USO1: variants seen among roughly 807,000 people sequenced by gnomAD.
USO1 encodes the protein USO1 vesicle transport factor.
In USO1, 57 loss-of-function variants were observed where a neutral mutation model predicts 124.5. That is an observed-to-expected ratio of 0.46 (90% CI 0.37 to 0.57). The LOEUF is 0.57. Among genes scored for constraint, USO1 ranks in the 20% least tolerant of loss-of-function variants. USO1 has a pLI of 0.00. For missense variants in USO1, 900 were observed against 1,040.6 expected (o/e 0.86, Z 1.86); for synonymous variants, 369 against 362.8 (o/e 1.02, Z -0.19).
chr4:75,748,940 G>T (rs1173053696), intron 1 of USO1, among the ~76,000 whole-genome samples: 1 of 148,876 alleles, frequency 6.7e-6, no homozygotes, highest in African/African-American at 2.4e-5. Context: ...GTTTTTCTAA[G>T]TAGTAAAAAA....
At chr4:75,761,993 T>C (rs1414209707) in intron 4 of USO1, among the ~76,000 whole-genome samples, 2 of 152,136 alleles carry the variant, frequency 1.3e-5, no homozygotes, top group Non-Finnish European at 2.9e-5. Flanking sequence ...GTTTCTATTA[T>C]TGTGATACTG....
At chr4:75,805,526 GCGAAA>G (rs1722972938) in intron 19 of USO1, among the ~76,000 whole-genome samples, 1 of 152,098 alleles carries the variant, frequency 6.6e-6, no homozygotes, top group African/African-American at 2.4e-5. Flanking sequence ...GGCCAATATG[GCGAAA>G]CCCTGTCTCT....
intron 10 of USO1, among the ~76,000 whole-genome samples, chr4:75,789,317 T>C (rs114597137): frequency 0.018 from 2,687 of 152,092 alleles, 77 homozygotes; most frequent in African/African-American, 0.061. Flanking sequence ...TTGCTCTATT[T>C]CCCAGGCTGG....
At chr4:75,757,835 TTTAG>T (rs1239676424) in intron 4 of USO1, among the ~76,000 whole-genome samples, 1 of 152,102 alleles carries the variant, frequency 6.6e-6, no homozygotes, top group Non-Finnish European at 1.5e-5. Context: ...TGTGTTTGGT[TTTAG>T]TTAGGCAGTA....
intron 1 of USO1, among the ~76,000 whole-genome samples, chr4:75,743,467 A>G (rs1021175757): frequency 1.3e-4 from 20 of 151,996 alleles, no homozygotes; most frequent in African/African-American, 4.6e-4. Flanking sequence ...TGTCCAAAGT[A>G]GCACCTTCAC....
chr4:75,780,103 T>C (rs1722176526), intron 8 of USO1, among the ~76,000 whole-genome samples: 1 of 152,186 alleles, frequency 6.6e-6, no homozygotes, highest in Non-Finnish European at 1.5e-5. Flanking sequence ...TAGCATGATT[T>C]ACTGAGCACA....
chr4:75,761,506 G>A (rs1721606518), intron 4 of USO1, among the ~76,000 whole-genome samples: 1 of 152,174 alleles, frequency 6.6e-6, no homozygotes, highest in Non-Finnish European at 1.5e-5. Flanking sequence ...GTAAGAACTG[G>A]AAGGTATTCT....
intron 1 of USO1, among the ~76,000 whole-genome samples, chr4:75,733,761 A>G (rs145733279): frequency 6.6e-6 from 1 of 152,158 alleles, no homozygotes; most frequent in Non-Finnish European, 1.5e-5. Flanking sequence ...CTCCCAGGTT[A>G]TAAGTTGTTT....
intron 8 of USO1, among the ~76,000 whole-genome samples, chr4:75,780,905 C>CT (rs2149174463): frequency 6.6e-6 from 1 of 152,120 alleles, no homozygotes; most frequent in East Asian, 1.9e-4. Flanking sequence ...CCTCAGCCTC[C>CT]CAAAGTGCTG....
At chr4:75,789,312 C>G (rs939323853) in intron 10 of USO1, among the ~76,000 whole-genome samples, 6 of 151,986 alleles carry the variant, frequency 3.9e-5, no homozygotes, top group African/African-American at 1.2e-4. Context: ...CAGTCTTGCT[C>G]TATTTCCCAG....
chr4:75,807,545 AC>A (rs950133750), intron 20 of USO1, among the ~76,000 whole-genome samples: 4 of 152,170 alleles, frequency 2.6e-5, no homozygotes, highest in African/African-American at 9.7e-5. Context: ...ATGTCCATGT[AC>A]CTCAGAGTAG....
intron 1 of USO1, among the ~76,000 whole-genome samples, chr4:75,728,934 G>T (rs1187247016): frequency 1.3e-5 from 2 of 152,002 alleles, no homozygotes; most frequent in Non-Finnish European, 2.9e-5. Context: ...AAGTAGCTGG[G>T]ACTACAGGTG....
chr4:75,749,638 C>T (rs1030572110), intron 1 of USO1, among the ~76,000 whole-genome samples: 6 of 149,908 alleles, frequency 4.0e-5, no homozygotes, highest in Admixed American at 2.7e-4. Context: ...GCCTAAAGTA[C>T]ATTCTTTAGT....
rs1721480329 is a variant in USO1, at chr4:75,757,486, C to G, written c.219-11C>G. ...CAGCAGTGTATAAGTGTAATAATTT[C>G]TTTTTTCCAGTTCAGATTCTGAAAT... On this transcript the variant is annotated splice_polypyrimidine_tract_variant and intron_variant, in intron 3 of 23. Transcript: ENST00000514213. 1 of 1,488,828 alleles carries G rather than the reference C, an allele frequency of 6.7e-7. No homozygotes were observed. The highest frequency in any genetic ancestry group is 1.3e-5 in the South Asian group (1 of 75,942). The allele number at this position is 1,488,828 out of a possible 1,614,324, so 92.2% of individuals were successfully genotyped here.
chr4:75,736,313 T>TC (rs1720789957), intron 1 of USO1, among the ~76,000 whole-genome samples: 2 of 136,122 alleles, frequency 1.5e-5, no homozygotes, highest in African/African-American at 2.8e-5. Flanking sequence ...TTACCTTTTT[T>TC]TTTTTTTTTT....
intron 4 of USO1, chr4:75,767,515 C>T (rs770887165): frequency 1.7e-5 from 7 of 408,534 alleles, no homozygotes; most frequent in African/African-American, 4.3e-5. Context: ...GAGGCCAAGG[C>T]AGGCGGATCA....
chr4:75,784,817 T>G (rs1304168959), intron 9 of USO1, among the ~76,000 whole-genome samples: 1 of 151,786 alleles, frequency 6.6e-6, no homozygotes, highest in East Asian at 1.9e-4. Flanking sequence ...TACCAAAAAA[T>G]TATTAGAGTA....
chr4:75,782,708 G>T lies in USO1; in HGVS notation c.705G>T (p.Leu235Phe). 1 of 1,570,050 alleles carries T rather than the reference G, an allele frequency of 6.4e-7. No homozygotes were observed. Among genetic ancestry groups the T allele is most frequent in the Non-Finnish European group, 8.6e-7 (1 of 1,157,050 alleles). ...TAGTAGTTGAAGATTGTTTGATTTT[G>T]CTCCAAAACTTATTAAAAAACAACA... ...GGIVVEDCLILLQNLLKNNNS... is the reference protein window; with the variant it reads ...GGIVVEDCLIFLQNLLKNNNS... The change falls in exon 9 of 24, where the codon TTG (leucine) becomes TTT (phenylalanine). Residue 235 changes from leucine (L) to phenylalanine (F), a missense_variant. By Grantham distance (22) the Leu-to-Phe change is conservative (BLOSUM62 0). Around this residue, in one of 2 missense-constraint regions of USO1, gnomAD observed 538 missense variants for 681.6 expected, o/e 0.79. Transcript: ENST00000514213.
chr4:75,770,581 G>A lies in USO1; in HGVS notation c.396+42G>A, dbSNP rs1372508136. Reference sequence around the variant, plus strand: ...GATGTTTTTGTCATCTTAATAAGCTGCTTTTGTTGCCTTTTGGATGTTATT... The same window carrying A: ...GATGTTTTTGTCATCTTAATAAGCTACTTTTGTTGCCTTTTGGATGTTATT... On this transcript the variant is annotated intron_variant, in intron 5 of 23. Coordinates refer to ENST00000514213, the MANE Select transcript of USO1 (RefSeq NM_003715.4). 16 of 1,526,238 alleles carry A rather than the reference G, an allele frequency of 1.0e-5. No homozygotes were observed. In the East Asian group the frequency reaches 3.4e-4, roughly 32 times the overall value. 94.5% of individuals were successfully genotyped at this position (1,526,238 alleles called of 1,614,324 possible). A position where few individuals can be genotyped will look rare whatever the true frequency, so the allele number is the denominator to read the frequency against.
Sources: gnomAD v4.1 joint callset for allele counts (sites outside exome capture counted in the v4.1 genomes callset) on GRCh38, gnomAD v4.1.1 for gene constraint, gnomAD v4.1.1 regional missense constraint, MANE v1.5 for transcripts, NCBI Gene and HGNC (gene_info 2026-07-23, HGNC 2026-07-21) for gene names.